ADGRL4: variants seen among roughly 807,000 people sequenced by gnomAD.
ADGRL4 encodes EGF, latrophilin and seven transmembrane domain containing 1.
ADGRL4 carries 90 observed loss-of-function variants against 74.8 expected under a neutral mutation model. That is an observed-to-expected ratio of 1.20 (90% CI 1.02 to 1.43). The LOEUF (loss-of-function observed/expected upper bound fraction) is 1.43. Ranked by LOEUF, ADGRL4 falls within the 40% of genes most tolerant of loss-of-function variation. The pLI, the probability that ADGRL4 is intolerant of heterozygous loss-of-function variation, is 0.00. For synonymous variants in ADGRL4, 311 were observed against 279.2 expected, an observed-to-expected ratio of 1.11 and a Z score of -1.14; for missense variants, 881 against 814.3, an observed-to-expected ratio of 1.08 and a Z score of -1.00.
At chr1:79,001,352 G>C (rs937507183) in intron 2 of ADGRL4, among the ~76,000 whole-genome samples, 13 of 151,874 alleles carry the variant, frequency 8.6e-5, no homozygotes, top group Non-Finnish European at 1.9e-4. Flanking sequence ...AAAAGTTTCA[G>C]ATGAACTACC....
At chr1:78,898,322 G>A (rs1325356889) in intron 12 of ADGRL4, among the ~76,000 whole-genome samples, 1 of 151,812 alleles carries the variant, frequency 6.6e-6, no homozygotes, top group Non-Finnish European at 1.5e-5. Flanking sequence ...AAAAATCATT[G>A]GTATTCATCT....
rs1179277706 is a variant in ADGRL4, at chr1:78,890,602, G to A, written c.*552C>T. On this transcript the variant is annotated 3_prime_UTR_variant, in exon 15 of 15. Transcript: ENST00000370742. ...AGAACAATTCACAAAATGGTAAAAT[G>A]TGTTTCTTCAATTCTTTATTTTATG... is the stretch of plus-strand genomic sequence containing the variant. 6.6e-6 allele frequency: 1 copy of A among 151,590 alleles called. No individual in the cohort carries two copies. The highest frequency in any genetic ancestry group is 1.5e-5 in the Non-Finnish European group (1 of 67,968). 9.4% of individuals were successfully genotyped at this position (151,590 alleles called of 1,614,324 possible).
At position 78,917,854 on chromosome 1, in the gene ADGRL4, T is replaced by C; in HGVS notation, c.1658A>G (p.Tyr553Cys). ...CACTTTGGTTGTGCCATAATATCTG[T>C]ATCCTAGTGCTGCCGAAAATCCAAC... ...VVVGFSAALG[Y>C]RYYGTTKVCW... The change falls in exon 11 of 15, where the codon TAC becomes TGC. Residue 553 changes from tyrosine to cysteine, a missense_variant. Physicochemically the swap from Tyr to Cys is radical, Grantham distance 194. Transcript: ENST00000370742. 1 of 1,612,732 alleles carries C rather than the reference T, an allele frequency of 6.2e-7. No homozygotes were observed. Among genetic ancestry groups the C allele is most frequent in the Non-Finnish European group, 8.5e-7 (1 of 1,179,098 alleles).
intron 2 of ADGRL4, among the ~76,000 whole-genome samples, chr1:78,983,092 T>G (rs772569695): frequency 7.9e-5 from 12 of 151,826 alleles, no homozygotes; most frequent in Non-Finnish European, 1.5e-4. Flanking sequence ...AAAGTGACCC[T>G]GAGGTGGTGG....
At chr1:78,996,715 T>G (rs1456956066) in intron 2 of ADGRL4, among the ~76,000 whole-genome samples, 1 of 152,234 alleles carries the variant, frequency 6.6e-6, no homozygotes, top group Non-Finnish European at 1.5e-5. Context: ...TTTTGCTCTC[T>G]TATATTCCAT....
chr1:78,889,953 A>G lies in ADGRL4; in HGVS notation c.*1201T>C, dbSNP rs1478561541. The stretch of plus-strand genomic sequence containing the variant: ...TTAATGAGAAGATTTAAAGACAGAT[A>G]GAAGCTATATATTTAAGCAGATATG... On this transcript the variant is annotated 3_prime_UTR_variant, in exon 15 of 15. Coordinates refer to ENST00000370742, the MANE Select transcript of ADGRL4 (RefSeq NM_022159.4). The G allele has an allele frequency of 6.0e-6, 2 of 335,578 alleles. No homozygotes were observed. Among genetic ancestry groups the G allele is most frequent in the African/African-American group, 4.4e-5 (2 of 45,248 alleles). 20.8% of individuals were successfully genotyped at this position (335,578 alleles called of 1,614,324 possible). A position where few individuals can be genotyped will look rare whatever the true frequency, so the allele number is the denominator to read the frequency against.
At chr1:78,948,772 C>T (rs1557509032) in intron 2 of ADGRL4, among the ~76,000 whole-genome samples, 1 of 151,970 alleles carries the variant, frequency 6.6e-6, no homozygotes, top group Non-Finnish European at 1.5e-5. Flanking sequence ...ACAAATTGAA[C>T]ATAAGCAAAA....
At position 78,936,082 on chromosome 1, in the gene ADGRL4, C is replaced by T. The variant is rs1374084460; in HGVS notation, c.877+213G>A. Reference sequence around the variant, plus strand: ...GAGCTTGCAGTGAGCCGAGATTGCGCCACTGCACTCCCGCCTGGGCCACAG... The same window carrying T: ...GAGCTTGCAGTGAGCCGAGATTGCGTCACTGCACTCCCGCCTGGGCCACAG... On this transcript the variant is annotated intron_variant, in intron 7 of 14. Transcript: ENST00000370742. 5.9e-4 allele frequency among the ~76,000 whole-genome samples: 13 copies of T among 22,200 alleles called. 3 individuals are homozygous for T. The highest frequency in any genetic ancestry group is 4.9e-3 in the Admixed American group (9 of 1,826). 14.6% of individuals were successfully genotyped at this position (22,200 alleles called of 152,430 possible).
chr1:78,997,254 C>A (rs1387999080), intron 2 of ADGRL4, among the ~76,000 whole-genome samples: 6 of 152,146 alleles, frequency 3.9e-5, no homozygotes, highest in Non-Finnish European at 1.5e-5. Context: ...TTGACTAATG[C>A]TGTCCTGGTG....
intron 2 of ADGRL4, among the ~76,000 whole-genome samples, chr1:78,953,466 G>T (rs540214559): frequency 6.6e-6 from 1 of 152,248 alleles, no homozygotes; most frequent in South Asian, 2.1e-4. Flanking sequence ...AATAGTATCA[G>T]ATTCTTGCTA....
At chr1:78,914,250 T>G (rs1012673662) in intron 12 of ADGRL4, among the ~76,000 whole-genome samples, 1 of 151,938 alleles carries the variant, frequency 6.6e-6, no homozygotes, top group Non-Finnish European at 1.5e-5. Flanking sequence ...ATATATATAC[T>G]GATCTCTCCA....
chr1:78,993,973 C>T (rs1182267673), intron 2 of ADGRL4, among the ~76,000 whole-genome samples: 1 of 152,148 alleles, frequency 6.6e-6, no homozygotes, highest in East Asian at 1.9e-4. Flanking sequence ...AAGAAAGTAG[C>T]AAAGCGATTC....
chr1:78,957,690 C>T (rs749751753), intron 2 of ADGRL4, among the ~76,000 whole-genome samples: 2 of 152,110 alleles, frequency 1.3e-5, no homozygotes, highest in African/African-American at 4.8e-5. Flanking sequence ...TATAAAAGTG[C>T]AAGAGGAGGC....
intron 8 of ADGRL4, among the ~76,000 whole-genome samples, chr1:78,925,163 G>T (rs1312812998): frequency 6.6e-6 from 1 of 152,010 alleles, no homozygotes; most frequent in East Asian, 1.9e-4. Context: ...CTGGCCAGGA[G>T]TATCATAGCT....
At chr1:78,900,542 C>A (rs1648495595) in intron 12 of ADGRL4, among the ~76,000 whole-genome samples, 1 of 152,120 alleles carries the variant, frequency 6.6e-6, no homozygotes, top group South Asian at 2.1e-4. Context: ...GAATTGTTAT[C>A]TTTAGTGTTG....
intron 12 of ADGRL4, 108 bp downstream of exon 12, chr1:78,917,526 A>C (rs1246337071): frequency 6.3e-6 from 4 of 637,300 alleles, no homozygotes; most frequent in African/African-American, 3.7e-5. Context: ...ATATACTGTA[A>C]AATATTCAAA....
chr1:78,940,294 A>T (rs1219078059), intron 3 of ADGRL4, among the ~76,000 whole-genome samples: 1 of 152,272 alleles, frequency 6.6e-6, no homozygotes, highest in East Asian at 1.9e-4. Context: ...CGTGTGATTG[A>T]ATTCCCTTAA....
intron 12 of ADGRL4, among the ~76,000 whole-genome samples, chr1:78,905,195 T>C (rs1189136446): frequency 6.6e-6 from 1 of 152,006 alleles, no homozygotes; most frequent in African/African-American, 2.4e-5. Flanking sequence ...AATTCAAGAG[T>C]AAGTTGAGCA....
At chr1:78,997,471 G>A (rs12073624) in intron 2 of ADGRL4, among the ~76,000 whole-genome samples, 13,993 of 152,210 alleles carry the variant, frequency 0.092, 718 homozygotes, top group Middle Eastern at 0.13. Context: ...ATTAGAGAAA[G>A]AGTGTGGAAG....
Sources: allele counts gnomAD v4.1 joint callset (sites outside exome capture counted in the v4.1 genomes callset), GRCh38; gene constraint gnomAD v4.1.1; transcripts MANE v1.5; gene names NCBI Gene and HGNC (gene_info 2026-07-23, HGNC 2026-07-21).